Variants in PTCHD4 observed in about 807,000 individuals in gnomAD.
The protein encoded by PTCHD4 is patched domain-containing protein 4.
A neutral mutation model predicts 58.1 loss-of-function variants in PTCHD4; 33 were observed. The observed-to-expected ratio is 0.57, with a 90% CI of 0.43 to 0.76. The LOEUF (loss-of-function observed/expected upper bound fraction) is 0.76. PTCHD4 is among the 30% of genes least tolerant of loss of function. The pLI is 0.00. For synonymous variants in PTCHD4, 478 were observed against 409.6 expected (o/e 1.17, Z -2.02); for missense variants, 1,058 against 1,027.1 (o/e 1.03, Z -0.41).
At chr6:47,966,915 C>G (rs1767317158) in intron 4 of PTCHD4, among the ~76,000 whole-genome samples, 1 of 152,098 alleles carries the variant, frequency 6.6e-6, no homozygotes, top group South Asian at 2.1e-4. Context: ...TGTCTTGAGC[C>G]CTTCAAAATC....
rs564137736 is a variant in PTCHD4 at position 48,073,817 on chromosome 6, A to T, written c.-969-3891T>A. Among the ~76,000 whole-genome samples the T allele has an allele frequency of 4.6e-5, 7 of 152,304 alleles. No homozygotes were observed. In the South Asian group the frequency reaches 1.5e-3, roughly 32 times the overall value. On this transcript the variant is annotated intron_variant, in intron 1 of 4. Transcript: ENST00000339488. ...CATGAGAAACATCACTTTTTCATGC[A>T]TCTCTCTGATTTGCACTTAACCTCC...
At chr6:48,004,769 T>A (rs57574102) in intron 4 of PTCHD4, among the ~76,000 whole-genome samples, 8,033 of 152,014 alleles carry the variant, frequency 0.053, 331 homozygotes, top group African/African-American at 0.11. Context: ...ATACAAAAAT[T>A]AGCCAGGCGT....
intron 4 of PTCHD4, among the ~76,000 whole-genome samples, chr6:47,917,688 A>G (rs912308307): frequency 6.6e-6 from 1 of 152,162 alleles, no homozygotes; most frequent in Non-Finnish European, 1.5e-5. Flanking sequence ...AAATGAATGT[A>G]CAGTATATAT....
At position 47,873,101 on chromosome 6, in the gene PTCHD4, C is replaced by T. The variant is rs940463133; in HGVS notation, c.*5202G>A. 2.6e-5 allele frequency among the ~76,000 whole-genome samples: 4 copies of T among 151,608 alleles called. No homozygotes were observed. Among genetic ancestry groups the T allele is most frequent in the South Asian group, 4.1e-4 (2 of 4,820 alleles). On this transcript the variant is annotated 3_prime_UTR_variant, in exon 5 of 5. Transcript: ENST00000339488. Reference sequence around the variant, plus strand: ...TCACTTTCACTAACAAAAGGGTCTACGGCTCTTCCTTTGTGCTTGGAAATT... The same window carrying T: ...TCACTTTCACTAACAAAAGGGTCTATGGCTCTTCCTTTGTGCTTGGAAATT...
intron 4 of PTCHD4, among the ~76,000 whole-genome samples, chr6:47,946,400 T>A (rs892251922): frequency 1.3e-5 from 2 of 152,294 alleles, no homozygotes; most frequent in Admixed American, 1.3e-4. Flanking sequence ...AATTGTTGCA[T>A]CTTTCTGATA....
rs538072903 is a variant in PTCHD4 at position 47,968,972 on chromosome 6, G to A, written c.898+39662C>T. Reference sequence around the variant, plus strand: ...TGTTAAATTCCTTTATGATTAACTTGCAAAGTCCCTATTAGTAAAAATACA... The same window carrying A: ...TGTTAAATTCCTTTATGATTAACTTACAAAGTCCCTATTAGTAAAAATACA... On this transcript the variant is annotated intron_variant, in intron 4 of 4. Transcript: ENST00000339488. Among the ~76,000 whole-genome samples, 3 of 152,116 alleles carry A rather than the reference G, an allele frequency of 2.0e-5. No homozygotes were observed. The East Asian group carries it at 5.8e-4, about 29-fold the overall frequency.
At chr6:47,961,622 C>G (rs1489317827) in intron 4 of PTCHD4, among the ~76,000 whole-genome samples, 1 of 152,028 alleles carries the variant, frequency 6.6e-6, no homozygotes, top group Non-Finnish European at 1.5e-5. Context: ...GTAAAGAATA[C>G]TATCAGGGAT....
intron 4 of PTCHD4, among the ~76,000 whole-genome samples, chr6:47,931,599 T>A (rs1765824001): frequency 6.6e-6 from 1 of 152,248 alleles, no homozygotes; most frequent in Non-Finnish European, 1.5e-5. Context: ...CTTTACTTGC[T>A]GTAAAAATGC....
Position 48,068,096 on chromosome 6 carries a change from G to C in PTCHD4, c.417+134C>G. 1.1e-6 allele frequency: 1 copy of C among 925,284 alleles called. No individual in the cohort carries two copies. Among genetic ancestry groups the C allele is most frequent in the Non-Finnish European group, 1.6e-6 (1 of 610,820 alleles). The allele number at this position is 925,284 out of a possible 1,614,324, so 57.3% of individuals were successfully genotyped here. ...GGGATACCTCACTTGCACCCTGGCT[G>C]TTGTCTTATTGGAGACGGCAGCCTG... On this transcript the variant is annotated intron_variant, in intron 3 of 4. Coordinates refer to ENST00000339488, the MANE Select transcript of PTCHD4 (RefSeq NM_001384253.1). This position sits in a 1 kb window ranked among gnomAD's most constrained non-coding sequence, Gnocchi z 4.2.
chr6:47,957,182 C>A (rs909664768), intron 4 of PTCHD4, among the ~76,000 whole-genome samples: 1 of 145,954 alleles, frequency 6.9e-6, no homozygotes, highest in Non-Finnish European at 1.5e-5. Context: ...AAAAAAAAAA[C>A]CTTGCCTTTT....
intron 3 of PTCHD4, among the ~76,000 whole-genome samples, chr6:48,036,151 A>T (rs1310572823): frequency 1.3e-5 from 2 of 151,814 alleles, no homozygotes; most frequent in East Asian, 3.9e-4. Context: ...AAAAAGTTTA[A>T]TTTTTTTTCA....
chr6:47,922,689 C>A (rs1050240925), intron 4 of PTCHD4, among the ~76,000 whole-genome samples: 1 of 152,210 alleles, frequency 6.6e-6, no homozygotes, highest in African/African-American at 2.4e-5. Context: ...TGCATGTTCA[C>A]AGCTGGCTGG....
At chr6:48,105,703 CA>C (rs1422830038) in intron 1 of PTCHD4, among the ~76,000 whole-genome samples, 1 of 151,858 alleles carries the variant, frequency 6.6e-6, no homozygotes, top group Non-Finnish European at 1.5e-5. Context: ...AGACCGCTAG[CA>C]AGACTAATAA....
intron 1 of PTCHD4, among the ~76,000 whole-genome samples, chr6:48,074,753 G>T (rs909510846): frequency 3.3e-5 from 5 of 152,204 alleles, no homozygotes; most frequent in Admixed American, 3.3e-4. Context: ...GTCTTGGGCA[G>T]CTAACACTAA....
chr6:47,973,445 T>G (rs1237962799), intron 4 of PTCHD4, among the ~76,000 whole-genome samples: 1 of 152,210 alleles, frequency 6.6e-6, no homozygotes, highest in African/African-American at 2.4e-5. Context: ...CTACAGTGAT[T>G]GTAGCTGGAG....
At chr6:47,948,575 A>G (rs1217076415) in intron 4 of PTCHD4, among the ~76,000 whole-genome samples, 1 of 152,204 alleles carries the variant, frequency 6.6e-6, no homozygotes, top group African/African-American at 2.4e-5. Flanking sequence ...AACAGAATGC[A>G]TCATTATAAG....
At position 47,864,802 on chromosome 6, in the gene PTCHD4, T is replaced by G. The variant is rs1379257641; in HGVS notation, c.*13501A>C. On this transcript the variant is annotated 3_prime_UTR_variant, in exon 5 of 5. Coordinates refer to ENST00000339488, the MANE Select transcript of PTCHD4 (RefSeq NM_001384253.1). ...GACAATTATACCATAGGAAAAGTTT[T>G]GAATTAGAGACAGGCCATCCAATGA... Among the ~76,000 whole-genome samples the G allele has an allele frequency of 6.6e-6, 1 of 151,978 alleles. No individual in the cohort carries two copies. Among genetic ancestry groups the G allele is most frequent in the East Asian group, 1.9e-4 (1 of 5,154 alleles).
At chr6:47,946,406 T>C (rs1009187534) in intron 4 of PTCHD4, among the ~76,000 whole-genome samples, 2 of 152,200 alleles carry the variant, frequency 1.3e-5, no homozygotes, top group Admixed American at 6.5e-5. Flanking sequence ...TGCATCTTTC[T>C]GATAGCTTGA....
intron 4 of PTCHD4, among the ~76,000 whole-genome samples, chr6:47,982,442 A>C (rs1767911960): frequency 6.6e-6 from 1 of 150,528 alleles, no homozygotes. Flanking sequence ...ACTTAACCTC[A>C]ACAAATGAAG....
Sources: gnomAD v4.1 joint callset for allele counts (sites outside exome capture counted in the v4.1 genomes callset) on GRCh38, gnomAD v4.1.1 for gene constraint, Gnocchi (gnomAD v3.1) non-coding constraint, MANE v1.5 for transcripts, NCBI Gene and HGNC (gene_info 2026-07-23, HGNC 2026-07-21) for gene names.